PCDHGA3: variants seen among roughly 807,000 people sequenced by gnomAD.
PCDHGA3 encodes protocadherin gamma subfamily A, 3.
A neutral mutation model predicts 58.5 loss-of-function variants in PCDHGA3; 40 were observed. That is an observed-to-expected ratio of 0.68 (90% confidence interval 0.53 to 0.89). PCDHGA3 has a LOEUF of 0.89. PCDHGA3 is among the 40% of genes least tolerant of loss of function. PCDHGA3 has a pLI of 0.00. For missense variants in PCDHGA3, 1,223 were observed against 1,195.9 expected (o/e 1.02, Z -0.33); for synonymous variants, 530 against 525.7 (o/e 1.01, Z -0.11).
intron 1 of PCDHGA3, chr5:141,416,446 G>A (rs192789193): frequency 8.5e-5 from 13 of 152,284 alleles, no homozygotes; most frequent in East Asian, 5.8e-4. Context: ...GTAAATATGG[G>A]TTGGGAAGAC....
At chr5:141,471,079 C>T (rs1169560328) in intron 1 of PCDHGA3, among the ~76,000 whole-genome samples, 1 of 145,256 alleles carries the variant, frequency 6.9e-6, no homozygotes, top group African/African-American at 2.5e-5. Context: ...GACAGGGTCT[C>T]CCTCTGTTGT....
In PCDHGA3 at chr5:141,405,081, C is replaced by T. The variant is rs749102403; in HGVS notation, c.2424+58624C>T. 1.0e-4 allele frequency: 163 copies of T among 1,613,766 alleles called. No homozygotes were observed. The highest frequency in any genetic ancestry group is 1.2e-4 in the Non-Finnish European group (138 of 1,179,768). ...TGTGTCTTCCTCACCTTCGTTATCA[C>T]GCTGCTGGCCCTCAGGCTGAGGCAC... On this transcript the variant is annotated intron_variant, in intron 1 of 3. Transcript: ENST00000253812.
intron 1 of PCDHGA3, among the ~76,000 whole-genome samples, chr5:141,492,118 TC>T (rs1338861093): frequency 6.6e-6 from 1 of 152,176 alleles, no homozygotes; most frequent in Non-Finnish European, 1.5e-5. Flanking sequence ...CTTCGATTTC[TC>T]CCCAGCTCCC....
intron 1 of PCDHGA3, chr5:141,370,629 C>G: frequency 6.2e-7 from 1 of 1,613,860 alleles, no homozygotes; most frequent in Non-Finnish European, 8.5e-7. Flanking sequence ...TACCGTGAGC[C>G]CCGAAAATGG....
At position 141,403,226 on chromosome 5, in the gene PCDHGA3, CG is replaced by C. The variant is rs539681713; in HGVS notation, c.2424+56772del. On this transcript the variant is annotated intron_variant, in intron 1 of 3. Transcript: ENST00000253812. Reference sequence around the variant, plus strand: ...CTTGGTCACCGCGGGTAGGATAGACCGGGAGGAGCTCTGTGCTCAGAGCCCG... The same window carrying C: ...CTTGGTCACCGCGGGTAGGATAGACCGGAGGAGCTCTGTGCTCAGAGCCCG... 1.5e-3 allele frequency: 2,492 copies of C among 1,613,926 alleles called. 3 individuals are homozygous for C. The highest frequency in any genetic ancestry group is 1.8e-3 in the Non-Finnish European group (2,143 of 1,179,902).
In PCDHGA3 at chr5:141,432,598, G is replaced by A; in HGVS notation, c.2425-62209G>A. The A allele has an allele frequency of 6.2e-7, 1 of 1,613,920 alleles. No individual in the cohort carries two copies. The highest frequency in any genetic ancestry group is 8.5e-7 in the Non-Finnish European group (1 of 1,179,972). On this transcript the variant is annotated intron_variant, in intron 1 of 3. Transcript: ENST00000253812. The surrounding 1 kb of genome is among the most constrained non-coding windows in gnomAD (Gnocchi z 6.0). ...CCTACCGTCTGCTCAAGGCCAGCGA[G>A]CCGGGACTCTTCTCGGTGGGTCTGC...
intron 1 of PCDHGA3, chr5:141,382,935 A>G: frequency 6.3e-7 from 1 of 1,589,148 alleles, no homozygotes; most frequent in Admixed American, 1.7e-5. Flanking sequence ...ACTACAGAGG[A>G]TTCTTCCTGC....
chr5:141,366,097 C>A lies in PCDHGA3; in HGVS notation c.2424+19640C>A, dbSNP rs757003836. 4.3e-6 allele frequency: 7 copies of A among 1,614,240 alleles called. No homozygotes were observed. The Admixed American group carries it at 5.0e-5, about 12-fold the overall frequency. On this transcript the variant is annotated intron_variant, in intron 1 of 3. Coordinates refer to ENST00000253812, the MANE Select transcript of PCDHGA3 (RefSeq NM_018916.4). ...CCGCAGAACCTGGCTACCTGGTGAC[C>A]AAGGTGGTAGCGGTGGACAAAGATT...
intron 1 of PCDHGA3, among the ~76,000 whole-genome samples, chr5:141,450,088 C>T (rs1358812478): frequency 1.3e-5 from 2 of 148,484 alleles, no homozygotes; most frequent in East Asian, 2.0e-4. Context: ...CTCACTGCAA[C>T]CTCCGCCTCC....
At chr5:141,484,908 G>T in intron 1 of PCDHGA3, 1 of 415,428 alleles carries the variant, frequency 2.4e-6, no homozygotes, top group East Asian at 4.2e-5. Context: ...ATGCTGCGAC[G>T]CATTAACCCT....
chr5:141,366,285 C>T (rs1764466152), intron 1 of PCDHGA3: 4 of 1,613,710 alleles, frequency 2.5e-6, no homozygotes, highest in East Asian at 2.2e-5. Flanking sequence ...CATGGCCAGC[C>T]CCCTCTGTCA....
chr5:141,388,469 A>G, intron 1 of PCDHGA3: 11 of 1,613,858 alleles, frequency 6.8e-6, no homozygotes, highest in Non-Finnish European at 8.5e-6. Context: ...CTGAGATGGT[A>G]TTGAAGACAC....
At chr5:141,381,826 CTTTTTTTTTT>C (rs770630741) in intron 1 of PCDHGA3, among the ~76,000 whole-genome samples, 5 of 74,284 alleles carry the variant, frequency 6.7e-5, no homozygotes, top group South Asian at 5.1e-4. Context: ...CTTTCTTCTT[CTTTTTTTTTT>C]TTTTTTTTTT....
Position 141,431,677 on chromosome 5 carries a change from G to T in PCDHGA3, c.2425-63130G>T. The T allele has an allele frequency of 1.2e-6, 2 of 1,614,236 alleles. No homozygotes were observed. Among genetic ancestry groups the T allele is most frequent in the Non-Finnish European group, 1.7e-6 (2 of 1,180,050 alleles). ...CAGGGACAATATCAACAATAGGGGAGTTGGACCACGAGGAGTCAGGATTCT... is the reference window on the plus strand; with the variant it reads ...CAGGGACAATATCAACAATAGGGGATTTGGACCACGAGGAGTCAGGATTCT... On this transcript the variant is annotated intron_variant, in intron 1 of 3. Coordinates refer to ENST00000253812, the MANE Select transcript of PCDHGA3 (RefSeq NM_018916.4). The surrounding 1 kb of genome is among the most constrained non-coding windows in gnomAD (Gnocchi z 4.8).
At chr5:141,370,718 G>T in intron 1 of PCDHGA3, 1 of 1,613,818 alleles carries the variant, frequency 6.2e-7, no homozygotes, top group Non-Finnish European at 8.5e-7. Flanking sequence ...AATTTGAAAT[G>T]GTTGCTGAAA....
chr5:141,374,406 T>A (rs748431130), intron 1 of PCDHGA3: 2 of 1,614,018 alleles, frequency 1.2e-6, no homozygotes, highest in East Asian at 2.2e-5. Context: ...AGTTTTAACA[T>A]CCTTGTCGAG....
intron 1 of PCDHGA3, chr5:141,395,091 A>ACCG (rs771313907): frequency 6.2e-7 from 1 of 1,614,118 alleles, no homozygotes; most frequent in South Asian, 1.1e-5. Context: ...AGTCTCCCTC[A>ACCG]CCGCCGACTC....
intron 2 of PCDHGA3, among the ~76,000 whole-genome samples, chr5:141,503,448 C>T (rs765046868): frequency 2.0e-5 from 3 of 151,808 alleles, no homozygotes; most frequent in South Asian, 2.1e-4. Context: ...TACAAAAATT[C>T]GCTGGGCATG....
chr5:141,358,450 A>G (rs62378416), intron 1 of PCDHGA3, among the ~76,000 whole-genome samples: 4,507 of 152,282 alleles, frequency 0.03, 78 homozygotes, highest in Middle Eastern at 0.088. Flanking sequence ...ACGTCAATTT[A>G]AGAATACTGG....
Sources: allele counts gnomAD v4.1 joint callset (sites outside exome capture counted in the v4.1 genomes callset), GRCh38; gene constraint gnomAD v4.1.1; non-coding constraint Gnocchi (gnomAD v3.1); transcripts MANE v1.5; gene names NCBI Gene and HGNC (gene_info 2026-07-23, HGNC 2026-07-21).